The following RIMS2 variants were observed in gnomAD, a reference collection of about 807,000 sequenced individuals.
The protein encoded by RIMS2 is regulating synaptic membrane exocytosis 2.
In RIMS2, 59 loss-of-function variants were observed where a neutral mutation model predicts 174.4. The ratio of observed to expected loss-of-function variants is 0.34; its 90% confidence interval spans 0.27 to 0.42. The LOEUF (loss-of-function observed/expected upper bound fraction) is 0.42, where lower values mean the gene tolerates loss of function less well. RIMS2 is among the 10% of genes least tolerant of loss of function. RIMS2 has a pLI of 1.00. For missense variants in RIMS2, 1,620 were observed against 1,666.3 expected (o/e 0.97, Z 0.48); for synonymous variants, 606 against 572.5 (o/e 1.06, Z -0.84).
intron 1 of RIMS2, among the ~76,000 whole-genome samples, chr8:103,583,111 G>C (rs2093706972): frequency 1.3e-5 from 2 of 152,202 alleles, no homozygotes; most frequent in African/African-American, 4.8e-5. Context: ...CTTTATGTTT[G>C]GGAGAAAGAC....
chr8:103,931,360 C>T (rs771355761), exon 12 of RIMS2: 14 of 1,601,244 alleles, frequency 8.7e-6, no homozygotes, highest in Admixed American at 1.8e-5. Flanking sequence ...CCAAGGAATC[C>T]TTATGTTAAA....
chr8:103,837,437 T>C (rs1351123155), intron 3 of RIMS2, among the ~76,000 whole-genome samples: 1 of 152,216 alleles, frequency 6.6e-6, no homozygotes, highest in Non-Finnish European at 1.5e-5. Context: ...GTTAGTTACA[T>C]ATGTATACAT....
intron 4 of RIMS2, among the ~76,000 whole-genome samples, chr8:103,892,047 G>C (rs2099249264): frequency 6.6e-6 from 1 of 151,926 alleles, no homozygotes; most frequent in Admixed American, 6.6e-5. Context: ...AAGATAGGCT[G>C]TTGAAGACAA....
intron 14 of RIMS2, among the ~76,000 whole-genome samples, chr8:103,958,959 C>T (rs773118201): frequency 3.3e-5 from 5 of 152,110 alleles, no homozygotes; most frequent in Admixed American, 2.0e-4. Context: ...TTAGGAAAAA[C>T]GCATCCAAAA....
chr8:103,788,801 A>G (rs890530507), intron 3 of RIMS2, among the ~76,000 whole-genome samples: 15 of 152,172 alleles, frequency 9.9e-5, no homozygotes, highest in African/African-American at 3.6e-4. Context: ...GGCTCCACCC[A>G]GTTGGAGCTT....
chr8:103,818,617 G>C (rs1267476054), intron 3 of RIMS2, among the ~76,000 whole-genome samples: 1 of 152,030 alleles, frequency 6.6e-6, no homozygotes. Context: ...GGATTTGGAG[G>C]GAAGTTTTAA....
At chr8:103,945,337 G>A (rs1351891556) in intron 14 of RIMS2, among the ~76,000 whole-genome samples, 1 of 152,014 alleles carries the variant, frequency 6.6e-6, no homozygotes, top group Non-Finnish European at 1.5e-5. Context: ...GAAAAACCTA[G>A]GCTTCATTCT....
chr8:103,570,155 C>T (rs1401424394), intron 1 of RIMS2, among the ~76,000 whole-genome samples: 1 of 152,086 alleles, frequency 6.6e-6, no homozygotes, highest in Non-Finnish European at 1.5e-5. Flanking sequence ...TGCCCTAAAT[C>T]CCTCCCCGTA....
intron 3 of RIMS2, among the ~76,000 whole-genome samples, chr8:103,862,013 T>C (rs1338442326): frequency 6.6e-6 from 1 of 152,042 alleles, no homozygotes. Flanking sequence ...CATTATGTTG[T>C]ATTTGCTTTT....
chr8:103,807,925 T>C (rs2098660857), intron 3 of RIMS2, among the ~76,000 whole-genome samples: 2 of 152,254 alleles, frequency 1.3e-5, no homozygotes, highest in South Asian at 4.1e-4. Context: ...TTGAAATACA[T>C]TTAGATTTGC....
chr8:103,941,333 A>G (rs947282588), intron 13 of RIMS2, among the ~76,000 whole-genome samples: 1 of 151,966 alleles, frequency 6.6e-6, no homozygotes, highest in Non-Finnish European at 1.5e-5. Flanking sequence ...TAAATAAAAA[A>G]AGAAATTAGC....
At chr8:104,217,278 G>GT (rs11415917) in intron 19 of RIMS2, among the ~76,000 whole-genome samples, 49,370 of 141,396 alleles carry the variant, frequency 0.35, 8,310 homozygotes, top group African/African-American at 0.45. Flanking sequence ...TTGTTTTTTT[G>GT]TTTTTTTTGA....
At chr8:103,596,617 G>T (rs80350345) in intron 1 of RIMS2, among the ~76,000 whole-genome samples, 1 of 151,624 alleles carries the variant, frequency 6.6e-6, no homozygotes, top group South Asian at 2.1e-4. Context: ...TTATCTGATC[G>T]TCATACATTA....
At chr8:104,199,662 A>T (rs2099044269) in intron 19 of RIMS2, among the ~76,000 whole-genome samples, 2 of 152,208 alleles carry the variant, frequency 1.3e-5, no homozygotes, top group Non-Finnish European at 2.9e-5. Context: ...GGATTCAGAG[A>T]GCTGGTGGAA....
intron 9 of RIMS2, chr8:103,921,111 C>A (rs914624826): frequency 1.1e-5 from 2 of 175,812 alleles, no homozygotes; most frequent in Non-Finnish European, 2.4e-5. Context: ...CGAGAGAACA[C>A]GACAGACATA....
chr8:104,251,362 C>A (rs73298664), intron 23 of RIMS2, among the ~76,000 whole-genome samples, 199 bp downstream of exon 29: 3 of 152,172 alleles, frequency 2.0e-5, no homozygotes, highest in African/African-American at 7.2e-5. Flanking sequence ...CATGCAAATC[C>A]CCACCACACG....
chr8:103,655,183 T>C (rs1019683452), intron 1 of RIMS2, among the ~76,000 whole-genome samples: 2 of 151,982 alleles, frequency 1.3e-5, no homozygotes, highest in African/African-American at 4.8e-5. Flanking sequence ...AGCCATTTGT[T>C]TTAGTTGCCA....
chr8:103,595,746 T>C (rs775126114), intron 1 of RIMS2, among the ~76,000 whole-genome samples: 3 of 151,984 alleles, frequency 2.0e-5, no homozygotes, highest in African/African-American at 4.8e-5. Flanking sequence ...AGAGATGTAG[T>C]TGTTGCTAAC....
chr8:104,227,087 T>C (rs1170811980), intron 19 of RIMS2, among the ~76,000 whole-genome samples: 1 of 152,162 alleles, frequency 6.6e-6, no homozygotes, highest in Admixed American at 6.5e-5. Flanking sequence ...GCTAAACAAC[T>C]TGCCCCCAGA....
Sources: allele counts gnomAD v4.1 joint callset (sites outside exome capture counted in the v4.1 genomes callset), GRCh38; gene constraint gnomAD v4.1.1; transcripts MANE v1.5; gene names NCBI Gene and HGNC (gene_info 2026-07-23, HGNC 2026-07-21).